Variants in TESK1 observed in about 807,000 individuals in gnomAD.
TESK1 encodes testis associated actin remodelling kinase 1.
TESK1 carries 18 observed loss-of-function variants against 59.9 expected under a neutral mutation model. The ratio of observed to expected loss-of-function variants is 0.30; its 90% CI spans 0.21 to 0.45. The LOEUF (loss-of-function observed/expected upper bound fraction) is 0.45, where lower values mean the gene tolerates loss of function less well. Ranked by LOEUF, TESK1 falls within the 20% of genes least tolerant of loss-of-function variation. TESK1 has a pLI of 1.00. For missense variants in TESK1, 748 were observed against 840.9 expected (o/e 0.89, Z 1.37); for synonymous variants, 341 against 357.4 (o/e 0.95, Z 0.52).
chr9:35,607,396 A>T lies in TESK1; in HGVS notation c.607A>T (p.Ile203Phe), dbSNP rs1297989172. ...VVGDFGLAEK[I>F]PVYREGARKE... ...GGGTGACTTCGGGCTGGCCGAAAAG[A>T]TTCCTGTGTATAGGTGAGATGAATG... The change falls in exon 5 of 10, where the codon ATT becomes TTT. Residue 203 changes from isoleucine (I) to phenylalanine (F), a missense_variant. Transcript: ENST00000336395. The surrounding 1 kb of genome is among the most constrained non-coding windows in gnomAD (Gnocchi z 4.5). The T allele has an allele frequency of 6.2e-7, 1 of 1,614,126 alleles. No individual in the cohort carries two copies.
chr9:35,607,798 C>A lies in TESK1; in HGVS notation c.711+126C>A. 2 of 1,278,178 alleles carry A rather than the reference C, an allele frequency of 1.6e-6. No homozygotes were observed. Among genetic ancestry groups the A allele is most frequent in the East Asian group, 2.4e-5 (1 of 41,394 alleles). The allele number at this position is 1,278,178 out of a possible 1,614,324, so 79.2% of individuals were successfully genotyped here. Reference sequence around the variant, plus strand: ...GAGTCCCCAAGATCCCTTTGCCCCTCACAGGCACCCTTCTAACACATGAAA... The same window carrying A: ...GAGTCCCCAAGATCCCTTTGCCCCTAACAGGCACCCTTCTAACACATGAAA... On this transcript the variant is annotated intron_variant, in intron 6 of 9. Coordinates refer to ENST00000336395, the MANE Select transcript of TESK1 (RefSeq NM_006285.3). This position sits in a 1 kb window ranked among gnomAD's most constrained non-coding sequence, Gnocchi z 4.5.
rs1822879622 is a variant in TESK1 at position 35,607,851 on chromosome 9, A to G, written c.712-77A>G. ...TGTCAAGATCCCCCACCCTCAACCA[A>G]ATTCTGCTATATTCTGTCAAAATTC... On this transcript the variant is annotated intron_variant, in intron 6 of 9. Coordinates refer to ENST00000336395, the MANE Select transcript of TESK1 (RefSeq NM_006285.3). The surrounding 1 kb of genome is among the most constrained non-coding windows in gnomAD (Gnocchi z 4.5). The G allele has an allele frequency of 6.5e-7, 1 of 1,546,514 alleles. No individual in the cohort carries two copies.
intron 9 of TESK1, 98 bp from the exon 10 acceptor site, chr9:35,608,764 C>G: frequency 7.1e-7 from 1 of 1,416,044 alleles, no homozygotes; most frequent in Non-Finnish European, 9.5e-7. Flanking sequence ...CTCCCTTTTT[C>G]AAGCTCTAGT....
chr9:35,608,863 C>A lies in TESK1; in HGVS notation c.1002C>A (p.Gly334=), dbSNP rs754385725. ...GATTCCAGACTTCTCTATCTACAGG[C>A]TCTGTTGCAAGAGGGGGTCCCTCTG... ...LTRTALTHNQ[G]SVARGGPSAT... Residue 334 remains glycine, a splice_region_variant and synonymous_variant, in exon 10 of 10, where the codon GGC becomes GGA. Transcript: ENST00000336395. 1.3e-6 allele frequency: 2 copies of A among 1,579,882 alleles called. No homozygotes were observed. The highest frequency in any genetic ancestry group is 1.8e-5 in the Admixed American group (1 of 56,882).
In TESK1 at chr9:35,607,430, C is replaced by T. The variant is rs868223369; in HGVS notation, c.620+21C>T. 1.2e-6 allele frequency: 2 copies of T among 1,613,358 alleles called. No homozygotes were observed. Among genetic ancestry groups the T allele is most frequent in the South Asian group, 1.1e-5 (1 of 91,066 alleles). ...TATAGGTGAGATGAATGTCCCTGTT[C>T]CCCCCAAATCTCCCAGAGTGCCCCT... On this transcript the variant is annotated intron_variant, in intron 5 of 9. Coordinates refer to ENST00000336395, the MANE Select transcript of TESK1 (RefSeq NM_006285.3). The surrounding 1 kb of genome is among the most constrained non-coding windows in gnomAD (Gnocchi z 4.5).
Position 35,605,657 on chromosome 9 carries a change from C to T in TESK1, c.38C>T (p.Pro13Leu). The T allele has an allele frequency of 7.8e-7, 1 of 1,283,060 alleles. No homozygotes were observed. Among genetic ancestry groups the T allele is most frequent in the Non-Finnish European group, 9.8e-7 (1 of 1,016,076 alleles). The allele number at this position is 1,283,060 out of a possible 1,614,324, so 79.5% of individuals were successfully genotyped here. Residue 13 changes from proline (P) to leucine (L), a missense_variant, in exon 1 of 10, where the codon CCC (proline) becomes CTC (leucine). Physicochemically the swap from Pro to Leu is moderately conservative, Grantham distance 98. Around this residue, in one of 3 missense-constraint regions of TESK1, gnomAD observed 133 missense variants for 117.4 expected, o/e 1.13. Transcript: ENST00000336395. ...GERPPLRGPG[P>L]GPGEVPGEGP... ...CGGCCCCCACTGCGGGGCCCTGGGC[C>T]CGGGCCTGGAGAGGTGCCGGGGGAG...
At position 35,608,176 on chromosome 9, in the gene TESK1, T is replaced by C; in HGVS notation, c.812T>C (p.Val271Ala). The change falls in exon 8 of 10, where the codon GTG (valine) becomes GCG (alanine). Residue 271 changes from valine to alanine, a missense_variant. By Grantham distance (64) the Val-to-Ala change is moderately conservative. Transcript: ENST00000336395. ...LPRTEDFGLDVPAFRTLVGDD... is the reference protein window; with the variant it reads ...LPRTEDFGLDAPAFRTLVGDD... ...TCCCCACAGGACTTTGGCCTGGATG[T>C]GCCTGCTTTCCGAACTCTGGTGGGG... 6.2e-7 allele frequency: 1 copy of C among 1,614,218 alleles called. No homozygotes were observed. Among genetic ancestry groups the C allele is most frequent in the East Asian group, 2.2e-5 (1 of 44,884 alleles).
rs1397110749 is a variant in TESK1 at position 35,606,994 on chromosome 9, A to T, written c.537+11A>T. ...GACCTCACATCCAAGGTAGGCTAGC[A>T]GGGTGGGTGGAGACATGAAAGAGGG... On this transcript the variant is annotated intron_variant, in intron 4 of 9. Coordinates refer to ENST00000336395, the MANE Select transcript of TESK1 (RefSeq NM_006285.3). 6.3e-7 allele frequency: 1 copy of T among 1,578,284 alleles called. No homozygotes were observed. Among genetic ancestry groups the T allele is most frequent in the Admixed American group, 1.8e-5 (1 of 55,166 alleles).
rs757669532 is a variant in TESK1, at chr9:35,606,820, C to T, written c.391-17C>T. The stretch of plus-strand genomic sequence containing the variant: ...CTGAAGTCTGACATCTATTCCCATT[C>T]TCCTCCTATGCACCAGTATATGAAT... On this transcript the variant is annotated splice_polypyrimidine_tract_variant and intron_variant, in intron 3 of 9. Coordinates refer to ENST00000336395, the MANE Select transcript of TESK1 (RefSeq NM_006285.3). 6.9e-6 allele frequency: 11 copies of T among 1,584,924 alleles called. No homozygotes were observed. The highest frequency in any genetic ancestry group is 1.8e-5 in the Admixed American group (1 of 54,504).
rs753478431 is a variant in TESK1 at position 35,609,198 on chromosome 9, G to A, written c.1337G>A (p.Arg446His). 21 of 1,613,594 alleles carry A rather than the reference G, an allele frequency of 1.3e-5. No individual in the cohort carries two copies. The highest frequency in any genetic ancestry group is 1.2e-5 in the Non-Finnish European group (14 of 1,180,028). Residue 446 changes from arginine to histidine, a missense_variant, in exon 10 of 10, where the codon CGC (arginine) becomes CAC (histidine). By Grantham distance (29) the Arg-to-His change is conservative. Coordinates refer to ENST00000336395, the MANE Select transcript of TESK1 (RefSeq NM_006285.3). This position sits in a 1 kb window ranked among gnomAD's most constrained non-coding sequence, Gnocchi z 6.7. ...CTACCCTCATCCCCCGAGCTCCCCCGCCGTATGGAGACAGCACTGCCAGGT... is the reference window on the plus strand; with the variant it reads ...CTACCCTCATCCCCCGAGCTCCCCCACCGTATGGAGACAGCACTGCCAGGT... ...RSLPSSPELP[R>H]RMETALPGPG...
Position 35,605,719 on chromosome 9 carries a change from G to T in TESK1, c.100G>T (p.Gly34Cys). The part of the protein sequence containing the change: ...PGPGGTGGGP[G>C]RGRPSSYRAL... ...GCCGGGGGGCACGGGCGGAGGCCCG[G>T]GCCGGGGCCGCCCCTCCTCCTACCG... Residue 34 changes from glycine (G) to cysteine (C), a missense_variant, in exon 1 of 10, where the codon GGC (glycine) becomes TGC (cysteine). Around this residue, in one of 3 missense-constraint regions of TESK1, gnomAD observed 133 missense variants for 117.4 expected, o/e 1.13. Transcript: ENST00000336395. 2 of 1,561,852 alleles carry T rather than the reference G, an allele frequency of 1.3e-6. No individual in the cohort carries two copies. Among genetic ancestry groups the T allele is most frequent in the East Asian group, 2.4e-5 (1 of 41,690 alleles).
rs1203429440 is a variant in TESK1 at position 35,606,944 on chromosome 9, G to A, written c.498G>A (p.Leu166=). The change falls in exon 4 of 10, where the codon CTG becomes CTA. Residue 166 remains leucine, a synonymous_variant. Transcript: ENST00000336395. ...ACATTGCCCGAGGCCTGCGGTACCT[G>A]CACTCCAAAGGTGTATTTCACCGCG... The part of the protein sequence containing the change: ...ALDIARGLRY[L]HSKGVFHRDL... 7 of 1,612,044 alleles carry A rather than the reference G, an allele frequency of 4.3e-6. No homozygotes were observed. The African/African-American group carries it at 9.4e-5, about 22-fold the overall frequency.
At chr9:35,608,736 C>G (rs1822900795) in intron 9 of TESK1, 126 bp from the exon 10 acceptor site, 2 of 1,200,838 alleles carry the variant, frequency 1.7e-6, no homozygotes, top group Admixed American at 4.6e-5. Flanking sequence ...TCACCCCTTT[C>G]CAAAGCACCA....
At position 35,606,937 on chromosome 9, in the gene TESK1, G is replaced by A. The variant is rs750952905; in HGVS notation, c.491G>A (p.Arg164Gln). The change falls in exon 4 of 10, where the codon CGG (arginine) becomes CAG (glutamine). Residue 164 changes from arginine (R) to glutamine (Q), a missense_variant. Physicochemically the swap from Arg to Gln is conservative, Grantham distance 43. Coordinates refer to ENST00000336395, the MANE Select transcript of TESK1 (RefSeq NM_006285.3). ...HLALDIARGL[R>Q]YLHSKGVFHR... ...GCCCTGGACATTGCCCGAGGCCTGCGGTACCTGCACTCCAAAGGTGTATTT... is the reference window on the plus strand; with the variant it reads ...GCCCTGGACATTGCCCGAGGCCTGCAGTACCTGCACTCCAAAGGTGTATTT... 32 of 1,612,918 alleles carry A rather than the reference G, an allele frequency of 2.0e-5. No homozygotes were observed. Among genetic ancestry groups the A allele is most frequent in the Non-Finnish European group, 2.6e-5 (31 of 1,179,468 alleles).
chr9:35,605,696 C>T lies in TESK1; in HGVS notation c.77C>T (p.Pro26Leu). 5 of 1,490,758 alleles carry T rather than the reference C, an allele frequency of 3.4e-6. No homozygotes were observed. The highest frequency in any genetic ancestry group is 2.9e-5 in the African/African-American group (2 of 68,804). The allele number at this position is 1,490,758 out of a possible 1,614,324, so 92.3% of individuals were successfully genotyped here. Residue 26 changes from proline (P) to leucine (L), a missense_variant, in exon 1 of 10, where the codon CCG becomes CTG. Around this residue, in one of 3 missense-constraint regions of TESK1, gnomAD observed 133 missense variants for 117.4 expected, o/e 1.13. Transcript: ENST00000336395. ...GEVPGEGPPGPGGTGGGPGRG... is the reference protein window; with the variant it reads ...GEVPGEGPPGLGGTGGGPGRG... ...GTGCCGGGGGAGGGGCCCCCGGGGC[C>T]GGGGGGCACGGGCGGAGGCCCGGGC... is the stretch of plus-strand genomic sequence containing the variant.
rs1019225226 is a variant in TESK1 at position 35,607,267 on chromosome 9, T to C, written c.538-60T>C. ...AGTGACAGGGCTTTGGGTTATACAT[T>C]GGGAGGCCAGACAGCAGAAGGTGAT... On this transcript the variant is annotated intron_variant, in intron 4 of 9. Transcript: ENST00000336395. The surrounding 1 kb of genome is among the most constrained non-coding windows in gnomAD (Gnocchi z 4.5). 3 of 1,597,220 alleles carry C rather than the reference T, an allele frequency of 1.9e-6. No homozygotes were observed. The African/African-American group carries it at 4.0e-5, about 21-fold the overall frequency.
Position 35,605,584 on chromosome 9 carries a change from T to C in TESK1, c.-36T>C, listed in dbSNP as rs1822827068. 3.0e-5 allele frequency: 22 copies of C among 727,690 alleles called. No individual in the cohort carries two copies. Among genetic ancestry groups the C allele is most frequent in the Non-Finnish European group, 4.0e-5 (22 of 547,008 alleles). 45.1% of individuals were successfully genotyped at this position (727,690 alleles called of 1,614,324 possible). A position where few individuals can be genotyped will look rare whatever the true frequency, so the allele number is the denominator to read the frequency against. ...CGGCCTGCCCGGGCCCTGGGGACCC[T>C]GCCATGTGAGGCAGGCCCGGGCTGG... is the stretch of plus-strand genomic sequence containing the variant. On this transcript the variant is annotated 5_prime_UTR_variant, in exon 1 of 10. Transcript: ENST00000336395.
rs1471592494 is a variant in TESK1 at position 35,609,683 on chromosome 9, C to T, written c.1822C>T (p.Arg608Ter). 4.4e-6 allele frequency: 7 copies of T among 1,602,226 alleles called. No individual in the cohort carries two copies. Among genetic ancestry groups the T allele is most frequent in the Admixed American group, 1.7e-5 (1 of 59,952 alleles). Residue 608 changes from arginine (R) to a stop codon, truncating the protein, a stop_gained, in exon 10 of 10, where the codon CGA (arginine) becomes TGA (stop). Coordinates refer to ENST00000336395, the MANE Select transcript of TESK1 (RefSeq NM_006285.3). LOFTEE classifies it high-confidence loss of function. This position sits in a 1 kb window ranked among gnomAD's most constrained non-coding sequence, Gnocchi z 6.7. ...TGAGGCGGGCAGTCTCCTCTGCCAC[C>T]GAGGGCACCACGCCAAGCCACCCAC... ...NCEAGSLLCH[R>*]GHHAKPPTPS... is the part of the protein sequence containing the mutation.
In TESK1 at chr9:35,607,890, G is replaced by GT. The variant is rs772561903; in HGVS notation, c.712-36dup. The GT allele has an allele frequency of 6.2e-7, 1 of 1,605,658 alleles. No homozygotes were observed. The highest frequency in any genetic ancestry group is 1.1e-5 in the South Asian group (1 of 90,484). On this transcript the variant is annotated intron_variant, in intron 6 of 9. Coordinates refer to ENST00000336395, the MANE Select transcript of TESK1 (RefSeq NM_006285.3). This position sits in a 1 kb window ranked among gnomAD's most constrained non-coding sequence, Gnocchi z 4.5. The stretch of plus-strand genomic sequence containing the variant: ...CTGTCAAAATTCTGAAATGAAAACT[G>GT]TTAATTCTTCCCCGACACTATTATC...
Sources: allele counts gnomAD v4.1 joint callset, GRCh38; gene constraint gnomAD v4.1.1; regional missense constraint gnomAD v4.1.1; non-coding constraint Gnocchi (gnomAD v3.1); transcripts MANE v1.5; gene names NCBI Gene and HGNC (gene_info 2026-07-23, HGNC 2026-07-21).